Variants in NCAM2 observed in about 807,000 individuals in gnomAD.
The protein encoded by NCAM2 is neural cell adhesion molecule 2, also known as N-CAM-2.
A neutral mutation model predicts 98.1 loss-of-function variants in NCAM2; 30 were observed. The ratio of observed to expected loss-of-function variants is 0.31; its 90% CI spans 0.23 to 0.41. The LOEUF (loss-of-function observed/expected upper bound fraction) is 0.41. Ranked by LOEUF, NCAM2 falls within the 10% of genes least tolerant of loss-of-function variation. NCAM2 has a pLI of 1.00. For missense variants in NCAM2, 867 were observed against 1,005.8 expected (o/e 0.86, Z 1.87); for synonymous variants, 368 against 342.4 (o/e 1.07, Z -0.83).
intron 1 of NCAM2, among the ~76,000 whole-genome samples, chr21:21,097,462 A>G (rs903973682): frequency 6.6e-6 from 1 of 151,716 alleles, no homozygotes; most frequent in Non-Finnish European, 1.5e-5. Context: ...TGGTCATTTT[A>G]TTATATGTGG....
At chr21:21,504,719 T>C (rs1309745034) in intron 15 of NCAM2, among the ~76,000 whole-genome samples, 1 of 151,728 alleles carries the variant, frequency 6.6e-6, no homozygotes, top group East Asian at 1.9e-4. Context: ...ACATTTAATA[T>C]ATATATAATA....
chr21:21,166,844 A>G (rs566080211), intron 1 of NCAM2, among the ~76,000 whole-genome samples: 1 of 152,266 alleles, frequency 6.6e-6, no homozygotes, highest in South Asian at 2.1e-4. Flanking sequence ...CCAAGCAGTA[A>G]TTTGTCTTTC....
intron 1 of NCAM2, among the ~76,000 whole-genome samples, chr21:21,074,664 C>T (rs1007637744): frequency 6.6e-6 from 1 of 152,192 alleles, no homozygotes; most frequent in Non-Finnish European, 1.5e-5. Context: ...TGTTTTGCTT[C>T]CGCAGAATCT....
At chr21:21,201,940 C>T (rs113281204) in intron 1 of NCAM2, among the ~76,000 whole-genome samples, 2 of 152,104 alleles carry the variant, frequency 1.3e-5, no homozygotes, top group African/African-American at 4.8e-5. Flanking sequence ...AAAAAGACTT[C>T]CAGGTGGTCT....
intron 1 of NCAM2, among the ~76,000 whole-genome samples, chr21:21,183,928 A>G (rs554041140): frequency 1.3e-5 from 2 of 152,244 alleles, no homozygotes; most frequent in African/African-American, 4.8e-5. Flanking sequence ...CTAGCAGTTG[A>G]TACATGTAAA....
intron 1 of NCAM2, among the ~76,000 whole-genome samples, chr21:21,212,327 A>T (rs2147086882): frequency 6.6e-6 from 1 of 152,354 alleles, no homozygotes; most frequent in African/African-American, 2.4e-5. Context: ...ACTTATCTAA[A>T]ATGTTTCAAA....
At chr21:21,359,378 C>A (rs919236917) in intron 8 of NCAM2, among the ~76,000 whole-genome samples, 1 of 151,852 alleles carries the variant, frequency 6.6e-6, no homozygotes, top group Non-Finnish European at 1.5e-5. Flanking sequence ...TTTCTGAAAT[C>A]TTTTTCTGTA....
Position 21,076,741 on chromosome 21 carries a change from A to T in NCAM2, c.55+78123A>T, listed in dbSNP as rs75810294. 9.7e-3 allele frequency among the ~76,000 whole-genome samples: 1,479 copies of T among 152,192 alleles called. 28 individuals are homozygous for T. The highest frequency in any genetic ancestry group is 0.033 in the African/African-American group (1,381 of 41,522). On this transcript the variant is annotated intron_variant, in intron 1 of 17. Coordinates refer to ENST00000400546, the MANE Select transcript of NCAM2 (RefSeq NM_004540.5). ...TGTACAGTGTTGTAATCGGCTTTTT[A>T]AAAAAAATGCTCAGTGAAAATAACA...
chr21:21,400,404 T>G (rs1233914644), intron 9 of NCAM2, among the ~76,000 whole-genome samples: 1 of 152,152 alleles, frequency 6.6e-6, no homozygotes. Context: ...ACACATTACA[T>G]CTTGTTTGCA....
intron 1 of NCAM2, among the ~76,000 whole-genome samples, chr21:21,149,397 A>C (rs1445464452): frequency 2.0e-5 from 3 of 151,992 alleles, no homozygotes; most frequent in Non-Finnish European, 2.9e-5. Flanking sequence ...AACTTTGTCT[A>C]CTTTTTGATT....
In NCAM2 at chr21:21,264,813, C is replaced by G. The variant is rs1199126385; in HGVS notation, c.56-15765C>G. ...ATATATTCCACTATATATATACACACACGTATATATATTCCACTTTATATA... is the reference window on the plus strand; with the variant it reads ...ATATATTCCACTATATATATACACAGACGTATATATATTCCACTTTATATA... On this transcript the variant is annotated intron_variant, in intron 1 of 17. Transcript: ENST00000400546. Among the ~76,000 whole-genome samples the G allele has an allele frequency of 9.7e-5, 13 of 134,008 alleles. No homozygotes were observed. In the Admixed American group the frequency reaches 1.0e-3, roughly 10 times the overall value. The allele number at this position is 134,008 out of a possible 152,430, so 87.9% of individuals were successfully genotyped here.
chr21:21,492,033 T>C, intron 15 of NCAM2, among the ~76,000 whole-genome samples: 1 of 151,696 alleles, frequency 6.6e-6, no homozygotes. Context: ...GTAGTAAATA[T>C]ATATTACTTT....
intron 12 of NCAM2, among the ~76,000 whole-genome samples, chr21:21,462,142 G>A (rs1165332716): frequency 6.6e-6 from 1 of 151,896 alleles, no homozygotes; most frequent in African/African-American, 2.4e-5. Flanking sequence ...TGTTATTTTG[G>A]ATGATCAGTT....
intron 14 of NCAM2, among the ~76,000 whole-genome samples, chr21:21,475,554 G>A (rs576798689): frequency 6.6e-6 from 1 of 152,214 alleles, no homozygotes; most frequent in South Asian, 2.1e-4. Context: ...ATTGCAACTA[G>A]GTTTCTTTCT....
chr21:21,458,260 A>G (rs1982445312), intron 12 of NCAM2, among the ~76,000 whole-genome samples: 1 of 152,220 alleles, frequency 6.6e-6, no homozygotes, highest in African/African-American at 2.4e-5. Context: ...GAACATAGGC[A>G]GCAAACTTTG....
intron 1 of NCAM2, among the ~76,000 whole-genome samples, chr21:21,221,850 A>G (rs971137786): frequency 6.6e-6 from 1 of 152,152 alleles, no homozygotes; most frequent in African/African-American, 2.4e-5. Flanking sequence ...ATAACATTCT[A>G]TTGGAAGGAG....
intron 1 of NCAM2, among the ~76,000 whole-genome samples, chr21:21,267,543 T>G (rs543454488): frequency 6.6e-6 from 1 of 152,242 alleles, no homozygotes; most frequent in East Asian, 1.9e-4. Context: ...CCATTTAAAT[T>G]TGGATTGTGT....
At chr21:21,386,686 A>G (rs2076277724) in intron 9 of NCAM2, among the ~76,000 whole-genome samples, 3 of 152,212 alleles carry the variant, frequency 2.0e-5, no homozygotes, top group African/African-American at 7.2e-5. Context: ...TCCTCGTTTT[A>G]TAACATTATT....
intron 1 of NCAM2, among the ~76,000 whole-genome samples, chr21:21,269,874 A>G (rs1471449698): frequency 1.3e-5 from 2 of 152,190 alleles, no homozygotes; most frequent in Non-Finnish European, 2.9e-5. Context: ...AATATCTAGT[A>G]GTATCATATA....
Sources: gnomAD v4.1 joint callset for allele counts (sites outside exome capture counted in the v4.1 genomes callset) on GRCh38, gnomAD v4.1.1 for gene constraint, MANE v1.5 for transcripts, NCBI Gene and HGNC (gene_info 2026-07-23, HGNC 2026-07-21) for gene names.